DLGAP2: variants seen among roughly 807,000 people sequenced by gnomAD.
The protein encoded by DLGAP2 is DLG associated protein 2.
DLGAP2 carries 26 observed loss-of-function variants against 100.3 expected under a neutral mutation model. That is an observed-to-expected ratio of 0.26 (90% CI 0.19 to 0.36). The LOEUF is 0.36. Among genes scored for constraint, DLGAP2 ranks in the 10% least tolerant of loss-of-function variants. DLGAP2 has a pLI of 1.00. For missense variants in DLGAP2, 1,858 were observed against 1,453.2 expected (o/e 1.28, Z -4.53); for synonymous variants, 886 against 630.1 (o/e 1.41, Z -6.08).
At chr8:1,558,462 C>G (rs1802042750) in intron 5 of DLGAP2, among the ~76,000 whole-genome samples, 1 of 152,164 alleles carries the variant, frequency 6.6e-6, no homozygotes, top group African/African-American at 2.4e-5. Context: ...GCCACAGTCT[C>G]TGGGAAGGAG....
At chr8:1,209,625 A>G (rs1230577658) in intron 2 of DLGAP2, among the ~76,000 whole-genome samples, 4 of 152,234 alleles carry the variant, frequency 2.6e-5, no homozygotes, top group Non-Finnish European at 5.9e-5. Context: ...TAGGGAGGTA[A>G]TTAGTCTTAG....
At chr8:1,103,088 G>A (rs1804639503) in intron 2 of DLGAP2, among the ~76,000 whole-genome samples, 1 of 151,936 alleles carries the variant, frequency 6.6e-6, no homozygotes, top group African/African-American at 2.4e-5. Flanking sequence ...AACTTTCTGG[G>A]GGTCTCTGAG....
At chr8:864,688 C>G (rs752863952) in intron 1 of DLGAP2, among the ~76,000 whole-genome samples, 10 of 152,108 alleles carry the variant, frequency 6.6e-5, no homozygotes, top group Non-Finnish European at 1.3e-4. Flanking sequence ...TTCAGTAAAC[C>G]TTTTGCCGTT....
chr8:961,720 A>G (rs2129010147), intron 2 of DLGAP2, among the ~76,000 whole-genome samples: 1 of 152,346 alleles, frequency 6.6e-6, no homozygotes, highest in African/African-American at 2.4e-5. Context: ...CTATGTGAAA[A>G]TTATGGGAGA....
chr8:844,703 G>A (rs1797042483), intron 1 of DLGAP2, among the ~76,000 whole-genome samples: 1 of 152,206 alleles, frequency 6.6e-6, no homozygotes, highest in African/African-American at 2.4e-5. Context: ...TACAGTAAAT[G>A]TTATCTTTTA....
intron 6 of DLGAP2, among the ~76,000 whole-genome samples, chr8:1,590,298 C>A (rs1170275393): frequency 6.6e-6 from 1 of 152,184 alleles, no homozygotes; most frequent in South Asian, 2.1e-4. Flanking sequence ...ACAGTTCAGG[C>A]CGTACCAGAA....
chr8:755,586 G>A (rs371780425), intron 1 of DLGAP2, among the ~76,000 whole-genome samples: 1 of 152,358 alleles, frequency 6.6e-6, no homozygotes, highest in East Asian at 1.9e-4. Flanking sequence ...GAGGTGTGAG[G>A]TCTGGTGCGT....
intron 1 of DLGAP2, among the ~76,000 whole-genome samples, chr8:900,322 C>T (rs1262961361): frequency 1.3e-5 from 2 of 149,218 alleles, no homozygotes; most frequent in Non-Finnish European, 3.0e-5. Context: ...CTCCTCTTCA[C>T]GGTGTCGCTC....
At chr8:1,449,526 C>G (rs1335786623) in intron 3 of DLGAP2, among the ~76,000 whole-genome samples, 1 of 152,200 alleles carries the variant, frequency 6.6e-6, no homozygotes, top group East Asian at 1.9e-4. Context: ...AGCCAAGCTG[C>G]TGGCTTCCAG....
intron 2 of DLGAP2, among the ~76,000 whole-genome samples, chr8:1,194,512 G>T (rs1307042878): frequency 1.3e-5 from 2 of 152,166 alleles, no homozygotes; most frequent in Non-Finnish European, 2.9e-5. Context: ...GGGTCCCTCT[G>T]GGTCACTCCT....
At chr8:1,191,416 C>T (rs578169633) in intron 2 of DLGAP2, among the ~76,000 whole-genome samples, 7 of 152,226 alleles carry the variant, frequency 4.6e-5, no homozygotes, top group Middle Eastern at 3.4e-3. Context: ...GTGATCTGCC[C>T]GCCTCAGCCT....
chr8:957,931 A>G (rs1250411912), intron 2 of DLGAP2, among the ~76,000 whole-genome samples: 1 of 152,168 alleles, frequency 6.6e-6, no homozygotes, highest in African/African-American at 2.4e-5. Context: ...TAAATGTCCA[A>G]TTCAGTGACA....
chr8:1,420,094 C>T (rs971792111), intron 3 of DLGAP2, among the ~76,000 whole-genome samples: 1 of 152,100 alleles, frequency 6.6e-6, no homozygotes, highest in Non-Finnish European at 1.5e-5. Context: ...ACCTTCAGTC[C>T]CTTTTCCCTT....
chr8:1,256,436 GTCCTCTCCTGC>G (rs1563044916), intron 2 of DLGAP2, among the ~76,000 whole-genome samples: 10 of 132,264 alleles, frequency 7.6e-5, no homozygotes, highest in African/African-American at 3.0e-4. Flanking sequence ...CTGTGCGTCT[GTCCTCTCCTGC>G]CCAGGTGCTG....
chr8:1,284,684 C>A (rs938320515), intron 3 of DLGAP2, among the ~76,000 whole-genome samples: 2 of 152,154 alleles, frequency 1.3e-5, no homozygotes, highest in Non-Finnish European at 2.9e-5. Flanking sequence ...TGAAGTGGCA[C>A]CGTCTCAGCT....
intron 2 of DLGAP2, among the ~76,000 whole-genome samples, chr8:1,242,775 G>C (rs1050643690): frequency 3.9e-5 from 6 of 152,106 alleles, no homozygotes; most frequent in Non-Finnish European, 8.8e-5. Context: ...CAGACGGATG[G>C]ATGGATAGAC....
At chr8:837,400 G>C (rs1198622042) in intron 1 of DLGAP2, among the ~76,000 whole-genome samples, 1 of 152,204 alleles carries the variant, frequency 6.6e-6, no homozygotes, top group Non-Finnish European at 1.5e-5. Flanking sequence ...TTAAACACCA[G>C]TTTTGACCAA....
At chr8:767,649 C>T (rs1441445042) in intron 1 of DLGAP2, among the ~76,000 whole-genome samples, 2 of 152,148 alleles carry the variant, frequency 1.3e-5, no homozygotes, top group Non-Finnish European at 1.5e-5. Flanking sequence ...GCCACCACGC[C>T]AGGACGGCTG....
chr8:1,371,280 C>T (rs1253925581), intron 3 of DLGAP2, among the ~76,000 whole-genome samples: 5 of 152,222 alleles, frequency 3.3e-5, no homozygotes, highest in African/African-American at 7.2e-5. Flanking sequence ...GCCTTTCATT[C>T]GGCCTCTATT....
Sources: allele counts gnomAD v4.1 joint callset (sites outside exome capture counted in the v4.1 genomes callset), GRCh38; gene constraint gnomAD v4.1.1; transcripts MANE v1.5; gene names NCBI Gene and HGNC (gene_info 2026-07-23, HGNC 2026-07-21).